TRAPPC13: variants seen among roughly 807,000 people sequenced by gnomAD.
TRAPPC13 encodes the protein trafficking protein particle complex subunit 13.
In TRAPPC13, 39 loss-of-function variants were observed where a neutral mutation model predicts 54.0. The observed-to-expected ratio is 0.72, with a 90% CI of 0.56 to 0.94. The LOEUF (loss-of-function observed/expected upper bound fraction) is 0.94, where lower values mean the gene tolerates loss of function less well. TRAPPC13 is among the 40% of genes least tolerant of loss of function. TRAPPC13 has a pLI of 0.00. For synonymous variants in TRAPPC13, 148 were observed against 167.7 expected (o/e 0.88, Z 0.91); for missense variants, 386 against 488.1 (o/e 0.79, Z 1.97).
chr5:65,635,467 C>A, intron 2 of TRAPPC13, 98 bp downstream of exon 2: 1 of 946,956 alleles, frequency 1.1e-6, no homozygotes, highest in Non-Finnish European at 1.6e-6. Flanking sequence ...AAATTTTATG[C>A]TAACCATTTG....
chr5:65,634,654 G>A (rs1183499341), intron 1 of TRAPPC13, among the ~76,000 whole-genome samples: 1 of 151,980 alleles, frequency 6.6e-6, no homozygotes, highest in Non-Finnish European at 1.5e-5. Context: ...ACTTTGGGAG[G>A]CCAAGGTAGG....
At chr5:65,653,134 CAA>C (rs56915791) in intron 7 of TRAPPC13, among the ~76,000 whole-genome samples, 1 of 114,206 alleles carries the variant, frequency 8.8e-6, no homozygotes, top group Non-Finnish European at 1.8e-5. Context: ...AGAACTTGCC[CAA>C]AAAAAAAAAA....
At chr5:65,640,329 G>A (rs1232724931) in intron 4 of TRAPPC13, among the ~76,000 whole-genome samples, 7 of 152,276 alleles carry the variant, frequency 4.6e-5, no homozygotes, top group South Asian at 2.1e-4. Flanking sequence ...TTCAGGCTAC[G>A]AGTTTGAGAC....
chr5:65,657,019 G>A (rs985068300), intron 8 of TRAPPC13, among the ~76,000 whole-genome samples: 2 of 151,956 alleles, frequency 1.3e-5, no homozygotes, highest in African/African-American at 4.8e-5. Flanking sequence ...GGAGGTTGCA[G>A]TGAGAGGAGA....
In TRAPPC13 at chr5:65,660,682, G is replaced by C. The variant is rs989355550; in HGVS notation, c.699-17G>C. 6.4e-7 allele frequency: 1 copy of C among 1,557,962 alleles called. No homozygotes were observed. Among genetic ancestry groups the C allele is most frequent in the African/African-American group, 1.4e-5 (1 of 72,306 alleles). ...ATGCTAGAGAATTTTCTCCGTCTCTGTCTCCACCCCTCTCAGTGTGTCTAC... is the reference window on the plus strand; with the variant it reads ...ATGCTAGAGAATTTTCTCCGTCTCTCTCTCCACCCCTCTCAGTGTGTCTAC... On this transcript the variant is annotated splice_polypyrimidine_tract_variant and intron_variant, in intron 9 of 12. Coordinates refer to ENST00000399438, the MANE Select transcript of TRAPPC13 (RefSeq NM_024941.4).
At position 65,635,981 on chromosome 5, in the gene TRAPPC13, A is replaced by G; in HGVS notation, c.153A>G (p.Ser51=). 1 of 1,601,566 alleles carries G rather than the reference A, an allele frequency of 6.2e-7. No homozygotes were observed. The highest frequency in any genetic ancestry group is 8.5e-7 in the Non-Finnish European group (1 of 1,173,352). The change falls in exon 3 of 13, where the codon TCA becomes TCG. Residue 51 remains serine, a synonymous_variant. Transcript: ENST00000399438. ...ACCAGCTGATGAGAGATGATCCTTC[A>G]ACCGTTAATGGTGCAGAAGTTTTAA... ...LFNQLMRDDP[S]TVNGAEVLML...
At chr5:65,641,725 AC>A (rs1166464729) in intron 4 of TRAPPC13, among the ~76,000 whole-genome samples, 7 of 147,228 alleles carry the variant, frequency 4.8e-5, no homozygotes, top group African/African-American at 1.7e-4. Flanking sequence ...AAAAAAAAAA[AC>A]AAAAAAAACA....
At chr5:65,657,648 A>G (rs967040540) in intron 8 of TRAPPC13, among the ~76,000 whole-genome samples, 9 of 152,174 alleles carry the variant, frequency 5.9e-5, no homozygotes, top group Admixed American at 5.9e-4. Context: ...CTAATTATCT[A>G]ATTTATCTAA....
chr5:65,664,108 C>A, intron 11 of TRAPPC13, 129 bp from the exon 12 acceptor site: 1 of 970,582 alleles, frequency 1.0e-6, no homozygotes, highest in Non-Finnish European at 1.5e-6. Context: ...GTTATAATAG[C>A]TTTTCTCTTT....
intron 4 of TRAPPC13, among the ~76,000 whole-genome samples, chr5:65,642,104 C>G (rs1755991390): frequency 6.6e-6 from 1 of 152,082 alleles, no homozygotes; most frequent in Non-Finnish European, 1.5e-5. Context: ...AGGTGGATCA[C>G]CTGAGGTCAG....
chr5:65,649,281 G>A (rs1756332931), intron 5 of TRAPPC13, among the ~76,000 whole-genome samples: 1 of 151,986 alleles, frequency 6.6e-6, no homozygotes, highest in Admixed American at 6.6e-5. Flanking sequence ...TTTGTTTACT[G>A]TAATGTTGGA....
intron 1 of TRAPPC13, chr5:65,625,434 C>G (rs1016086245): frequency 3.0e-6 from 1 of 334,058 alleles, no homozygotes; most frequent in Non-Finnish European, 5.5e-6. Flanking sequence ...CTTTTTCCTT[C>G]TGTCTCTTGT....
intron 3 of TRAPPC13, 27 bp downstream of exon 3, chr5:65,636,070 A>G (rs768218461): frequency 1.4e-6 from 2 of 1,421,206 alleles, no homozygotes; most frequent in South Asian, 1.2e-5. Flanking sequence ...CACATAAGAA[A>G]CCTTGTAAAG....
intron 1 of TRAPPC13, chr5:65,630,783 A>C (rs1267980487): frequency 1.6e-6 from 1 of 634,884 alleles, no homozygotes; most frequent in African/African-American, 2.0e-5. Flanking sequence ...GTTTCCAAAG[A>C]TATGTAATAA....
At position 65,625,066 on chromosome 5, in the gene TRAPPC13, A is replaced by C; in HGVS notation, c.6A>C (p.Glu2Asp). 1 of 1,613,724 alleles carries C rather than the reference A, an allele frequency of 6.2e-7. No homozygotes were observed. Among genetic ancestry groups the C allele is most frequent in the Non-Finnish European group, 8.5e-7 (1 of 1,179,688 alleles). ...GGTCAAAAGTGCCGGTCAAAATGGA[A>C]GTGAATCCCCCTAAACAGGAGCACC... Reference protein sequence around the residue: MEVNPPKQEHLL... With the variant: MDVNPPKQEHLL... The change falls in exon 1 of 13, where the codon GAA becomes GAC. Residue 2 changes from glutamate (E) to aspartate (D), a missense_variant. Coordinates refer to ENST00000399438, the MANE Select transcript of TRAPPC13 (RefSeq NM_024941.4).
At chr5:65,653,666 A>T (rs562987157) in intron 7 of TRAPPC13, among the ~76,000 whole-genome samples, 1 of 152,194 alleles carries the variant, frequency 6.6e-6, no homozygotes, top group Non-Finnish European at 1.5e-5. Flanking sequence ...TCTGAAAGGA[A>T]TGCAGGTTGG....
At chr5:65,659,772 C>T (rs1756779898) in intron 9 of TRAPPC13, among the ~76,000 whole-genome samples, 1 of 152,000 alleles carries the variant, frequency 6.6e-6, no homozygotes. Flanking sequence ...TTGCTTGAAG[C>T]TATGAGTTCT....
At chr5:65,646,941 T>G in intron 4 of TRAPPC13, 114 bp from the exon 5 acceptor site, 2 of 1,024,212 alleles carry the variant, frequency 2.0e-6, no homozygotes, top group Non-Finnish European at 2.8e-6. Flanking sequence ...TGCTCCCCCT[T>G]TCATCCTTCT....
chr5:65,655,556 C>A, intron 7 of TRAPPC13, 80 bp from the exon 8 acceptor site: 1 of 450,108 alleles, frequency 2.2e-6, no homozygotes. Context: ...TGCAGAAATG[C>A]ATTTTATTTT....
Sources: allele counts gnomAD v4.1 joint callset (sites outside exome capture counted in the v4.1 genomes callset), GRCh38; gene constraint gnomAD v4.1.1; transcripts MANE v1.5; gene names NCBI Gene and HGNC (gene_info 2026-07-23, HGNC 2026-07-21).